Variants in ASIP observed in about 807,000 individuals in gnomAD.
The protein encoded by ASIP is agouti-signaling protein.
In ASIP, 11 loss-of-function variants were observed where a neutral mutation model predicts 10.3. The ratio of observed to expected loss-of-function variants is 1.07; its 90% CI spans 0.68 to 1.78. The LOEUF (loss-of-function observed/expected upper bound fraction) is 1.78, where lower values mean the gene tolerates loss of function less well. Among genes scored for constraint, ASIP ranks in the 40% most tolerant of loss-of-function variants. ASIP has a pLI of 0.00. For synonymous variants in ASIP, 70 were observed against 70.8 expected (o/e 0.99, Z 0.06); for missense variants, 180 against 169.2 (o/e 1.06, Z -0.35).
chr20:34,215,966 T>A, intron 1 of ASIP: 1 of 759,530 alleles, frequency 1.3e-6, no homozygotes, highest in Non-Finnish European at 2.4e-6. Flanking sequence ...TTTATAAACA[T>A]CTTCCCTATC....
At chr20:34,219,736 T>G (rs895713637) in intron 1 of ASIP, among the ~76,000 whole-genome samples, 3 of 152,138 alleles carry the variant, frequency 2.0e-5, no homozygotes, top group Non-Finnish European at 4.4e-5. Context: ...AATGTTAACA[T>G]TCACAAACTT....
At position 34,221,149 on chromosome 20, in the gene ASIP, C is replaced by T. The variant is rs533691284; in HGVS notation, c.-11+26389C>T. ...ATCCCAGCTTTTTGGGAGGCTGAGG[C>T]GGGTGGATCACGAGGTCAGGAGATC... On this transcript the variant is annotated intron_variant, in intron 1 of 3. Coordinates refer to the ASIP transcript ENST00000568305. Among the ~76,000 whole-genome samples the T allele has an allele frequency of 2.2e-4, 34 of 151,750 alleles. 1 individual carries two copies. Among genetic ancestry groups the T allele is most frequent in the African/African-American group, 7.2e-4 (30 of 41,400 alleles).
chr20:34,202,273 A>G (rs1186042135), intron 1 of ASIP, among the ~76,000 whole-genome samples: 1 of 152,220 alleles, frequency 6.6e-6, no homozygotes, highest in Non-Finnish European at 1.5e-5. Flanking sequence ...GAGCGCTTGA[A>G]ATAGCACTAG....
intron 1 of ASIP, among the ~76,000 whole-genome samples, chr20:34,235,873 G>A (rs1568756273): frequency 2.5e-5 from 2 of 80,992 alleles, no homozygotes; most frequent in Non-Finnish European, 2.2e-5. Flanking sequence ...AGGAAAGGAA[G>A]GAAGGAAGGA....
rs542281626 is a variant in ASIP, at chr20:34,197,972, A to C, written c.-11+3212A>C. Among the ~76,000 whole-genome samples the C allele has an allele frequency of 4.6e-5, 7 of 152,282 alleles. No individual in the cohort carries two copies. In the South Asian group the frequency reaches 1.2e-3, roughly 27 times the overall value. ...ATTCTTGTAGATACCATGACAGGTT[A>C]AAAGTATTTGCCACAGCTGGGGAAG... On this transcript the variant is annotated intron_variant, in intron 1 of 3. Transcript: ENST00000568305.
In ASIP at chr20:34,195,847, C is replaced by T. The variant is rs571649908; in HGVS notation, c.-11+1087C>T. On this transcript the variant is annotated intron_variant, in intron 1 of 3. Coordinates refer to the ASIP transcript ENST00000568305. ...GAGTAGCTCGAGTGAGGAACAATTA[C>T]TTTTAATAGTCTATTTTACTGTCCA... 1.4e-4 allele frequency among the ~76,000 whole-genome samples: 21 copies of T among 152,026 alleles called. No individual in the cohort carries two copies. In the South Asian group the frequency reaches 4.4e-3, roughly 32 times the overall value.
At chr20:34,257,304 C>T (rs1347144714) in intron 1 of ASIP, among the ~76,000 whole-genome samples, 1 of 151,856 alleles carries the variant, frequency 6.6e-6, no homozygotes, top group Admixed American at 6.6e-5. Context: ...TTGGCCAGGT[C>T]GAACTCCTGA....
intron 1 of ASIP, among the ~76,000 whole-genome samples, chr20:34,223,133 G>A (rs1285949130): frequency 1.3e-5 from 2 of 151,274 alleles, no homozygotes; most frequent in African/African-American, 4.9e-5. Flanking sequence ...TGCCCAGTCT[G>A]GAAAGTGAGG....
In ASIP at chr20:34,215,302, G is replaced by A; in HGVS notation, c.-11+20542G>A. On this transcript the variant is annotated intron_variant, in intron 1 of 3. Transcript: ENST00000568305. ...GCACTGACACATCACTTCAGAATTA[G>A]TATACTGATAATTTTGTGATATTTG... 3.9e-6 allele frequency: 6 copies of A among 1,540,982 alleles called. No homozygotes were observed. In the South Asian group the frequency reaches 5.6e-5, roughly 14 times the overall value.
intron 1 of ASIP, among the ~76,000 whole-genome samples, chr20:34,247,083 C>T (rs988845078): frequency 3.9e-5 from 6 of 152,046 alleles, no homozygotes; most frequent in African/African-American, 1.4e-4. Flanking sequence ...GCCTCAACCT[C>T]CCAGGCTTAG....
At chr20:34,241,052 G>A (rs750634812), upstream of ASIP, among the ~76,000 whole-genome samples, 16 of 152,146 alleles carry the variant, frequency 1.1e-4, no homozygotes, top group Non-Finnish European at 1.9e-4. Flanking sequence ...CAGGAAAGAC[G>A]CTCTGCTTTG....
intron 3 of ASIP, among the ~76,000 whole-genome samples, chr20:34,264,500 G>A (rs1387553852): frequency 9.2e-5 from 14 of 152,146 alleles, no homozygotes; most frequent in Non-Finnish European, 1.8e-4. Context: ...ACCCATACTA[G>A]GTGCTACTAG....
chr20:34,197,315 C>T lies in ASIP; in HGVS notation c.-11+2555C>T, dbSNP rs138120153. Among the ~76,000 whole-genome samples the T allele has an allele frequency of 4.9e-3, 753 of 152,194 alleles. 6 individuals are homozygous for T. Among genetic ancestry groups the T allele is most frequent in the African/African-American group, 0.017 (685 of 41,514 alleles). ...GGCGGGGGTTGCGGTGAGCAGAGATCGTGCCACTGCACTCTAGCCTGGGCA... is the reference window on the plus strand; with the variant it reads ...GGCGGGGGTTGCGGTGAGCAGAGATTGTGCCACTGCACTCTAGCCTGGGCA... On this transcript the variant is annotated intron_variant, in intron 1 of 3. Coordinates refer to the ASIP transcript ENST00000568305.
intron 1 of ASIP, among the ~76,000 whole-genome samples, chr20:34,247,287 A>G (rs2035392974): frequency 6.8e-6 from 1 of 146,338 alleles, no homozygotes; most frequent in South Asian, 2.1e-4. Context: ...TATGATTATT[A>G]CATTATATGA....
At chr20:34,213,555 A>C in intron 1 of ASIP, 1 of 1,536,828 alleles carries the variant, frequency 6.5e-7, no homozygotes, top group Non-Finnish European at 8.8e-7. Flanking sequence ...CAAAAATTGC[A>C]TGAAGCAGGG....
chr20:34,266,939 A>C (rs1314335770), intron 3 of ASIP, among the ~76,000 whole-genome samples: 1 of 152,152 alleles, frequency 6.6e-6, no homozygotes, highest in Non-Finnish European at 1.5e-5. Context: ...TCAGTTTATC[A>C]TATCAACTGT....
At chr20:34,261,016 A>G (rs193121928) in intron 2 of ASIP, among the ~76,000 whole-genome samples, 82 of 152,350 alleles carry the variant, frequency 5.4e-4, no homozygotes, top group African/African-American at 1.7e-3. Context: ...TGTGGTAGGC[A>G]CTGTGAGGTG....
At chr20:34,232,530 G>A (rs1018542356) in intron 1 of ASIP, among the ~76,000 whole-genome samples, 6 of 152,068 alleles carry the variant, frequency 3.9e-5, no homozygotes, top group Non-Finnish European at 8.8e-5. Flanking sequence ...CTGCAGTATT[G>A]ACCTCAGAGT....
chr20:34,196,315 A>G (rs932157581), intron 1 of ASIP, among the ~76,000 whole-genome samples: 1 of 150,598 alleles, frequency 6.6e-6, no homozygotes, highest in Non-Finnish European at 1.5e-5. Context: ...GAGTAGCTAC[A>G]GGCGCCCGCC....
Sources: gnomAD v4.1 joint callset for allele counts (sites outside exome capture counted in the v4.1 genomes callset) on GRCh38, gnomAD v4.1.1 for gene constraint, MANE v1.5 for transcripts, NCBI Gene and HGNC (gene_info 2026-07-23, HGNC 2026-07-21) for gene names.